NOS1AP: variants seen among roughly 807,000 people sequenced by gnomAD.
The protein encoded by NOS1AP is nitric oxide synthase 1 adaptor protein, also known as carboxyl-terminal PDZ ligand of neuronal nitric oxide synthase protein.
In NOS1AP, 21 loss-of-function variants were observed where a neutral mutation model predicts 56.2. That is an observed-to-expected ratio of 0.37 (90% CI 0.26 to 0.54). NOS1AP has a LOEUF of 0.54. NOS1AP is among the 20% of genes least tolerant of loss of function. The pLI, the probability that NOS1AP is intolerant of heterozygous loss-of-function variation, is 0.84. For synonymous variants in NOS1AP, 270 were observed against 274.6 expected (o/e 0.98, Z 0.17); for missense variants, 522 against 657.8 (o/e 0.79, Z 2.26).
At chr1:162,279,345 C>G (rs1238375771) in intron 2 of NOS1AP, among the ~76,000 whole-genome samples, 1 of 152,216 alleles carries the variant, frequency 6.6e-6, no homozygotes, top group Non-Finnish European at 1.5e-5. Context: ...CCCCTGAGTA[C>G]ACAGTCCGAG....
intron 1 of NOS1AP, among the ~76,000 whole-genome samples, chr1:162,107,927 A>G (rs1250697547): frequency 1.3e-5 from 2 of 151,948 alleles, no homozygotes; most frequent in Non-Finnish European, 2.9e-5. Context: ...AATTATATTT[A>G]TAGGAGGAAG....
chr1:162,342,710 G>C, intron 5 of NOS1AP: 1 of 393,376 alleles, frequency 2.5e-6, no homozygotes, highest in South Asian at 2.0e-5. Context: ...TCATGCTGAT[G>C]AAAAGCCCTA....
At chr1:162,272,642 G>A (rs536809068) in intron 2 of NOS1AP, among the ~76,000 whole-genome samples, 1 of 152,230 alleles carries the variant, frequency 6.6e-6, no homozygotes, top group African/African-American at 2.4e-5. Flanking sequence ...GCATGTGCTC[G>A]TTATTTATCT....
intron 2 of NOS1AP, among the ~76,000 whole-genome samples, chr1:162,222,147 C>T (rs892026406): frequency 5.3e-5 from 8 of 152,260 alleles, no homozygotes; most frequent in African/African-American, 1.9e-4. Context: ...GTGCCAATTT[C>T]GTTAGGTAAT....
At chr1:162,195,738 C>T (rs891608938) in intron 2 of NOS1AP, among the ~76,000 whole-genome samples, 12 of 152,026 alleles carry the variant, frequency 7.9e-5, no homozygotes, top group Admixed American at 1.3e-4. Context: ...TTCTTGTGTT[C>T]TTTCTCTTCT....
intron 2 of NOS1AP, among the ~76,000 whole-genome samples, chr1:162,187,262 C>T (rs1651468452): frequency 6.6e-6 from 1 of 152,222 alleles, no homozygotes; most frequent in Admixed American, 6.5e-5. Context: ...CCACCACATT[C>T]AGCCACCATG....
chr1:162,236,785 T>C (rs1653306014), intron 2 of NOS1AP, among the ~76,000 whole-genome samples: 1 of 152,182 alleles, frequency 6.6e-6, no homozygotes, highest in Non-Finnish European at 1.5e-5. Context: ...GGCCAGTCCA[T>C]GTATTGCAGA....
intron 2 of NOS1AP, among the ~76,000 whole-genome samples, chr1:162,180,694 T>C (rs1189211367): frequency 6.6e-6 from 1 of 152,170 alleles, no homozygotes; most frequent in Non-Finnish European, 1.5e-5. Context: ...GCCTCAGTCC[T>C]GTAGCTGCCG....
intron 2 of NOS1AP, among the ~76,000 whole-genome samples, chr1:162,244,316 A>T (rs960919327): frequency 6.6e-6 from 1 of 152,142 alleles, no homozygotes; most frequent in East Asian, 1.9e-4. Flanking sequence ...TTTGAGACAC[A>T]TTCTCAAGGA....
intron 2 of NOS1AP, among the ~76,000 whole-genome samples, chr1:162,155,439 A>G (rs1301148370): frequency 1.4e-5 from 2 of 148,146 alleles, no homozygotes; most frequent in African/African-American, 5.0e-5. Flanking sequence ...ATACATATAT[A>G]CATATATATA....
At chr1:162,120,519 T>C (rs967261798) in intron 1 of NOS1AP, among the ~76,000 whole-genome samples, 1 of 152,212 alleles carries the variant, frequency 6.6e-6, no homozygotes, top group African/African-American at 2.4e-5. Flanking sequence ...GGACTCACAG[T>C]TCCATGTGGC....
chr1:162,119,561 ATTCTT>A (rs1319417616), intron 1 of NOS1AP, among the ~76,000 whole-genome samples: 1 of 152,204 alleles, frequency 6.6e-6, no homozygotes, highest in African/African-American at 2.4e-5. Flanking sequence ...TACTGCTGCT[ATTCTT>A]TTTTTATTTA....
chr1:162,300,511 C>T (rs926414759), intron 3 of NOS1AP, 122 bp from the exon 4 acceptor site: 2 of 832,070 alleles, frequency 2.4e-6, no homozygotes, highest in Non-Finnish European at 4.2e-6. Flanking sequence ...CAATCAACTC[C>T]AGGCCTCTTA....
At chr1:162,091,609 A>AT (rs1284420776) in intron 1 of NOS1AP, among the ~76,000 whole-genome samples, 3 of 152,170 alleles carry the variant, frequency 2.0e-5, no homozygotes, top group Admixed American at 6.5e-5. Context: ...ATTTTAAGTT[A>AT]TTTTTCCCCC....
chr1:162,209,456 T>C (rs899519320), intron 2 of NOS1AP, among the ~76,000 whole-genome samples: 2 of 152,134 alleles, frequency 1.3e-5, no homozygotes, highest in Admixed American at 6.5e-5. Flanking sequence ...AGTACAAACC[T>C]CTGGATGTGA....
intron 2 of NOS1AP, among the ~76,000 whole-genome samples, chr1:162,217,678 G>T (rs1485275949): frequency 1.3e-5 from 2 of 152,170 alleles, no homozygotes; most frequent in African/African-American, 4.8e-5. Context: ...TGATGCCAGA[G>T]TAAAGGACAC....
chr1:162,191,207 C>T lies in NOS1AP; in HGVS notation c.177+36731C>T, dbSNP rs545217913. 1.3e-4 allele frequency among the ~76,000 whole-genome samples: 20 copies of T among 152,262 alleles called. 2 individuals are homozygous for T. Among genetic ancestry groups the T allele is most frequent in the African/African-American group, 4.8e-4 (20 of 41,540 alleles). ...TGATTTTTCTCAGTGTGCCCCATAC[C>T]ACGGGCACTGTCCACACAGGAACAT... On this transcript the variant is annotated intron_variant, in intron 2 of 9. Transcript: ENST00000361897.
intron 1 of NOS1AP, among the ~76,000 whole-genome samples, chr1:162,070,829 A>AT (rs1162128089): frequency 3.3e-5 from 5 of 152,138 alleles, no homozygotes; most frequent in Admixed American, 3.3e-4. Flanking sequence ...ACTCCTCTGC[A>AT]TGTGCCAGTC....
intron 2 of NOS1AP, among the ~76,000 whole-genome samples, chr1:162,159,033 A>C (rs2102104658): frequency 6.6e-6 from 1 of 152,276 alleles, no homozygotes; most frequent in East Asian, 1.9e-4. Flanking sequence ...GCTTGCTTGG[A>C]GGTTGCTGGT....
Sources: allele counts gnomAD v4.1 joint callset (sites outside exome capture counted in the v4.1 genomes callset), GRCh38; gene constraint gnomAD v4.1.1; transcripts MANE v1.5; gene names NCBI Gene and HGNC (gene_info 2026-07-23, HGNC 2026-07-21).